CD70: variants seen among roughly 807,000 people sequenced by gnomAD.
The protein encoded by CD70 is CD70 antigen.
A neutral mutation model predicts 9.0 loss-of-function variants in CD70; 6 were observed. The ratio of observed to expected loss-of-function variants is 0.67; its 90% CI spans 0.37 to 1.32. The LOEUF (loss-of-function observed/expected upper bound fraction) is 1.32. Among genes scored for constraint, CD70 ranks in the 40% most tolerant of loss-of-function variants. The pLI, the probability that CD70 is intolerant of heterozygous loss-of-function variation, is 0.02. For missense variants in CD70, 235 were observed against 258.7 expected (o/e 0.91, Z 0.63); for synonymous variants, 108 against 112.3 (o/e 0.96, Z 0.24).
At chr19:6,587,487 T>G (rs1245380468) in intron 2 of CD70, among the ~76,000 whole-genome samples, 1 of 149,612 alleles carries the variant, frequency 6.7e-6, no homozygotes, top group Non-Finnish European at 1.5e-5. Flanking sequence ...AGAGAGTGCC[T>G]GAGAGAGTGA....
chr19:6,586,576 A>T (rs931499497), intron 2 of CD70, among the ~76,000 whole-genome samples, 171 bp from the exon 3 acceptor site: 2 of 152,120 alleles, frequency 1.3e-5, no homozygotes, highest in Non-Finnish European at 2.9e-5. Flanking sequence ...AGGCGGGTGG[A>T]TCACCTGAGG....
intron 2 of CD70, among the ~76,000 whole-genome samples, chr19:6,588,044 T>G (rs1210995849): frequency 6.6e-6 from 1 of 152,164 alleles, no homozygotes; most frequent in Non-Finnish European, 1.5e-5. Flanking sequence ...CAGCGTCTCC[T>G]GTCTCCGCAA....
At chr19:6,584,593 C>G (rs546774607), downstream of CD70, among the ~76,000 whole-genome samples, 1 of 150,332 alleles carries the variant, frequency 6.7e-6, no homozygotes, top group Admixed American at 6.6e-5. Flanking sequence ...CAGGCAGTGG[C>G]TCATGCCTGT....
rs1034616745 is a variant in CD70, at chr19:6,590,854, A to G, written c.149T>C (p.Leu50Pro). Residue 50 changes from leucine to proline, a missense_variant, in exon 1 of 3, where the codon CTC (leucine) becomes CCC (proline). Coordinates refer to ENST00000245903, the MANE Select transcript of CD70 (RefSeq NM_001252.5). The surrounding 1 kb of genome is among the most constrained non-coding windows in gnomAD (Gnocchi z 5.3). ...ATCTCAACTCACCCCAAGTGACTCG[A>G]GCGGCAGCTGCTGCTGAGCCTGTGC... ...RFAQAQQQLP[L>P]ESLGWDVAEL... 5.0e-6 allele frequency: 8 copies of G among 1,612,770 alleles called. No homozygotes were observed. Among genetic ancestry groups the G allele is most frequent in the Non-Finnish European group, 5.1e-6 (6 of 1,179,608 alleles).
chr19:6,586,945 T>C (rs1388946902), intron 2 of CD70, among the ~76,000 whole-genome samples: 1 of 96,768 alleles, frequency 1.0e-5, no homozygotes, highest in Non-Finnish European at 2.2e-5. Context: ...AGGGTAAAGA[T>C]AGAGGGGGAG....
At chr19:6,582,419 A>G (rs984403024), downstream of CD70, among the ~76,000 whole-genome samples, 6 of 148,948 alleles carry the variant, frequency 4.0e-5, no homozygotes, top group Admixed American at 2.0e-4. Context: ...GATTTGTTAC[A>G]TATGTATATA....
Position 6,590,929 on chromosome 19 carries a change from G to GGGAC in CD70, c.70_73dup (p.Pro25ArgfsTer36). The stretch of plus-strand genomic sequence containing the variant: ...GCAGATCACCAAGCCCGCGACCAAT[G>GGGAC]GGACCAAAGCAGCCCGCAGGACGCA... On this transcript the variant is annotated frameshift_variant, in exon 1 of 3. Coordinates refer to ENST00000245903, the MANE Select transcript of CD70 (RefSeq NM_001252.5). LOFTEE classifies it high-confidence loss of function. This position sits in a 1 kb window ranked among gnomAD's most constrained non-coding sequence, Gnocchi z 5.3. 1 of 1,614,092 alleles carries GGGAC rather than the reference G, an allele frequency of 6.2e-7. No individual in the cohort carries two copies.
chr19:6,587,907 G>C (rs1916063289), intron 2 of CD70, among the ~76,000 whole-genome samples: 1 of 152,076 alleles, frequency 6.6e-6, no homozygotes, highest in Admixed American at 6.5e-5. Flanking sequence ...TGGTGGTCTT[G>C]CTATGTTTCC....
chr19:6,582,225 G>A (rs745476993), downstream of CD70, among the ~76,000 whole-genome samples: 12 of 151,228 alleles, frequency 7.9e-5, no homozygotes, highest in East Asian at 1.9e-4. Context: ...TAGTAGAAAC[G>A]GGGTTTCACC....
chr19:6,586,400 G>C lies in CD70; in HGVS notation c.202C>G (p.Gln68Glu), dbSNP rs1220063851. 6.2e-7 allele frequency: 1 copy of C among 1,607,272 alleles called. No individual in the cohort carries two copies. Among genetic ancestry groups the C allele is most frequent in the Admixed American group, 1.7e-5 (1 of 59,840 alleles). ...AELQLNHTGP[Q>E]QDPRLYWQGG... ...TGCCAGTATAGCCTGGGGTCCTGCTGAGGTCCTGGGGGCACAGGGTTAGAG... is the reference window on the plus strand; with the variant it reads ...TGCCAGTATAGCCTGGGGTCCTGCTCAGGTCCTGGGGGCACAGGGTTAGAG... The change falls in exon 3 of 3, where the codon CAG becomes GAG. Residue 68 changes from glutamine to glutamate, a missense_variant. Transcript: ENST00000245903.
downstream of CD70, chr19:6,583,159 A>C (rs1298311449): frequency 1.5e-5 from 7 of 461,644 alleles, no homozygotes; most frequent in Non-Finnish European, 2.7e-5. Context: ...ATGCGGGATT[A>C]TCTGGCTTGG....
intron 2 of CD70, among the ~76,000 whole-genome samples, chr19:6,587,013 A>G (rs1463061517): frequency 6.6e-6 from 1 of 151,430 alleles, no homozygotes; most frequent in Non-Finnish European, 1.5e-5. Flanking sequence ...TGTATGTGTG[A>G]GAGAGGACGA....
Position 6,590,065 on chromosome 19 carries a change from C to T in CD70, c.196+38G>A, listed in dbSNP as rs1568432437. On this transcript the variant is annotated intron_variant, in intron 2 of 2. Transcript: ENST00000245903. The surrounding 1 kb of genome is among the most constrained non-coding windows in gnomAD (Gnocchi z 5.3). Reference sequence around the variant, plus strand: ...CCTCTCCTTCCTTCTCTCTCTGTGCCTCTTCTTCTCCCCGTCCCTCCACGT... The same window carrying T: ...CCTCTCCTTCCTTCTCTCTCTGTGCTTCTTCTTCTCCCCGTCCCTCCACGT... The T allele has an allele frequency of 2.5e-6, 4 of 1,582,240 alleles. No homozygotes were observed. Among genetic ancestry groups the T allele is most frequent in the South Asian group, 1.1e-5 (1 of 90,084 alleles).
chr19:6,587,259 CGA>C (rs1599451660), intron 2 of CD70, among the ~76,000 whole-genome samples: 1 of 132,260 alleles, frequency 7.6e-6, no homozygotes, highest in South Asian at 2.6e-4. Context: ...GGAGAGTGCA[CGA>C]GAGAGTGAGA....
downstream of CD70, among the ~76,000 whole-genome samples, chr19:6,584,076 A>G (rs1053452015): frequency 1.4e-5 from 2 of 146,964 alleles, no homozygotes; most frequent in African/African-American, 5.0e-5. Flanking sequence ...TACAGGCATG[A>G]GCCACCGCGC....
chr19:6,589,227 C>T (rs1314285570), intron 2 of CD70, among the ~76,000 whole-genome samples: 1 of 144,766 alleles, frequency 6.9e-6, no homozygotes, highest in East Asian at 2.1e-4. Context: ...TATTCTCCTT[C>T]TCTTTTCCTC....
At chr19:6,584,946 T>G (rs1178159155), downstream of CD70, among the ~76,000 whole-genome samples, 3 of 151,886 alleles carry the variant, frequency 2.0e-5, no homozygotes, top group South Asian at 4.2e-4. Context: ...TTATTATTAT[T>G]TAAGTTCTGG....
chr19:6,591,007 G>A lies in CD70; in HGVS notation c.-5C>T. The stretch of plus-strand genomic sequence containing the variant: ...GCCCGAACCCTCCTCCGGCATCGCC[G>A]CGGCGATCACCTCCGCTAGCGCAGG... On this transcript the variant is annotated 5_prime_UTR_variant, in exon 1 of 3. Coordinates refer to ENST00000245903, the MANE Select transcript of CD70 (RefSeq NM_001252.5). The A allele has an allele frequency of 3.8e-6, 6 of 1,588,302 alleles. No individual in the cohort carries two copies. The highest frequency in any genetic ancestry group is 5.2e-6 in the Non-Finnish European group (6 of 1,164,406).
Position 6,586,336 on chromosome 19 carries a change from G to A in CD70, c.266C>T (p.Pro89Leu). ...PALGRSFLHG[P>L]ELDKGQLRIH... is the part of the protein sequence containing the mutation. ...ACGTAGCTGCCCCTTGTCCAGCTCT[G>A]GTCCATGCAGGAAGGAGCGGCCCAG... The change falls in exon 3 of 3, where the codon CCA becomes CTA. Residue 89 changes from proline (P) to leucine (L), a missense_variant. Pro to Leu is a moderately conservative substitution (Grantham distance 98). Transcript: ENST00000245903. 6.2e-7 allele frequency: 1 copy of A among 1,613,492 alleles called. No homozygotes were observed. Among genetic ancestry groups the A allele is most frequent in the Non-Finnish European group, 8.5e-7 (1 of 1,180,008 alleles).
Sources: allele counts gnomAD v4.1 joint callset (sites outside exome capture counted in the v4.1 genomes callset), GRCh38; gene constraint gnomAD v4.1.1; non-coding constraint Gnocchi (gnomAD v3.1); transcripts MANE v1.5; gene names NCBI Gene and HGNC (gene_info 2026-07-23, HGNC 2026-07-21).